The following NFATC3 variants were observed in gnomAD, a reference collection of about 807,000 sequenced individuals.
NFATC3 encodes the protein nuclear factor of activated T cells 3, also known as nuclear factor of activated T-cells, cytoplasmic 3.
NFATC3 carries 46 observed loss-of-function variants against 98.6 expected under a neutral mutation model. The observed-to-expected ratio is 0.47, with a 90% CI of 0.37 to 0.60. The LOEUF is 0.60. Ranked by LOEUF, NFATC3 falls within the 20% of genes least tolerant of loss-of-function variation. The pLI is 0.00. For synonymous variants in NFATC3, 512 were observed against 472.2 expected (o/e 1.08, Z -1.09); for missense variants, 1,256 against 1,295.5 (o/e 0.97, Z 0.47).
At chr16:68,129,604 T>G (rs1292588861) in intron 3 of NFATC3, among the ~76,000 whole-genome samples, 1 of 152,068 alleles carries the variant, frequency 6.6e-6, no homozygotes, top group Non-Finnish European at 1.5e-5. Flanking sequence ...GGTCTTGTTA[T>G]GTTGCCCAGG....
chr16:68,167,056 A>G, intron 5 of NFATC3, 41 bp downstream of exon 5: 1 of 1,571,724 alleles, frequency 6.4e-7, no homozygotes. Flanking sequence ...CTTGTGTATA[A>G]TAGCTTATTT....
intron 1 of NFATC3, among the ~76,000 whole-genome samples, chr16:68,095,455 T>G (rs1193402468): frequency 6.7e-6 from 1 of 148,620 alleles, no homozygotes; most frequent in Non-Finnish European, 1.5e-5. Context: ...CAGGTTCAAG[T>G]GATTTTCCTG....
chr16:68,204,354 T>C (rs896071151), intron 9 of NFATC3, among the ~76,000 whole-genome samples: 1 of 152,190 alleles, frequency 6.6e-6, no homozygotes, highest in Non-Finnish European at 1.5e-5. Context: ...AGAGTGATAC[T>C]CTGTCTCAAA....
At chr16:68,163,124 C>T (rs1181674011) in intron 4 of NFATC3, among the ~76,000 whole-genome samples, 2 of 152,140 alleles carry the variant, frequency 1.3e-5, no homozygotes, top group East Asian at 1.9e-4. Context: ...TGAAAAGTCT[C>T]CCATGTCTAC....
chr16:68,104,322 A>G (rs1436000061), intron 1 of NFATC3, among the ~76,000 whole-genome samples: 1 of 152,056 alleles, frequency 6.6e-6, no homozygotes, highest in African/African-American at 2.4e-5. Context: ...TTTCCTTTTC[A>G]GATTGTTTAT....
intron 9 of NFATC3, among the ~76,000 whole-genome samples, chr16:68,208,286 C>G (rs1190593722): frequency 6.6e-6 from 1 of 152,156 alleles, no homozygotes; most frequent in Non-Finnish European, 1.5e-5. Flanking sequence ...AGCCACCCGC[C>G]TTAGCCTCCC....
chr16:68,221,223 T>C (rs1411120622), intron 9 of NFATC3: 3 of 1,614,032 alleles, frequency 1.9e-6, no homozygotes, highest in Non-Finnish European at 2.5e-6. Flanking sequence ...AATTTTGACT[T>C]GCTTCAGTTG....
chr16:68,089,287 T>C, intron 1 of NFATC3: 1 of 985,310 alleles, frequency 1.0e-6, no homozygotes, highest in Non-Finnish European at 1.2e-6. Context: ...AATTAGATGA[T>C]GTGAGATGGA....
intron 3 of NFATC3, among the ~76,000 whole-genome samples, chr16:68,151,043 G>A (rs2038292211): frequency 6.6e-6 from 1 of 152,116 alleles, no homozygotes; most frequent in African/African-American, 2.4e-5. Flanking sequence ...AGCAGTATGA[G>A]AATGGACTAA....
chr16:68,174,380 G>A lies in NFATC3; in HGVS notation c.1781G>A (p.Arg594Gln), dbSNP rs1479435742. 4.7e-6 allele frequency: 7 copies of A among 1,474,562 alleles called. No individual in the cohort carries two copies. Among genetic ancestry groups the A allele is most frequent in the African/African-American group, 1.4e-5 (1 of 69,692 alleles). The allele number at this position is 1,474,562 out of a possible 1,614,324, so 91.3% of individuals were successfully genotyped here. A position where few individuals can be genotyped will look rare whatever the true frequency, so the allele number is the denominator to read the frequency against. The change falls in exon 6 of 10, where the codon CGG becomes CAG. Residue 594 changes from arginine (R) to glutamine (Q), a missense_variant. Physicochemically the swap from Arg to Gln is conservative, Grantham distance 43. This residue lies in a region of NFATC3 where 636 missense variants were observed against 617.3 expected (regional missense o/e 1.03). Coordinates refer to ENST00000346183, the MANE Select transcript of NFATC3 (RefSeq NM_173165.3). Reference protein sequence around the residue: ...IASIPVECSQRSAQELPHIEK... With the variant: ...IASIPVECSQQSAQELPHIEK... The stretch of plus-strand genomic sequence containing the variant: ...TTAAAAAAATTTAAAACAGCCCAGC[G>A]GTCTGCTCAAGAACTTCCTCATATT...
chr16:68,190,226 G>A (rs1205294498), intron 8 of NFATC3, among the ~76,000 whole-genome samples: 1 of 152,182 alleles, frequency 6.6e-6, no homozygotes, highest in African/African-American at 2.4e-5. Flanking sequence ...AGGATCAAGT[G>A]AGATGCATGT....
At chr16:68,089,822 A>T (rs573006529) in intron 1 of NFATC3, among the ~76,000 whole-genome samples, 2 of 152,290 alleles carry the variant, frequency 1.3e-5, no homozygotes, top group Middle Eastern at 3.4e-3. Context: ...TCAGAGTTTC[A>T]TTCTCAGGGT....
intron 3 of NFATC3, among the ~76,000 whole-genome samples, chr16:68,145,183 AC>A (rs1285030238): frequency 2.0e-5 from 3 of 147,104 alleles, no homozygotes; most frequent in Non-Finnish European, 4.5e-5. Context: ...ATTGCACATC[AC>A]CCAGGCTGGA....
chr16:68,208,027 CTTTAT>C (rs756947633), intron 9 of NFATC3, among the ~76,000 whole-genome samples: 3 of 151,862 alleles, frequency 2.0e-5, no homozygotes, highest in Admixed American at 6.6e-5. Context: ...TATCCAAATC[CTTTAT>C]TTTATTTATT....
At chr16:68,207,310 C>CAA (rs112021651) in intron 9 of NFATC3, among the ~76,000 whole-genome samples, 8 of 115,074 alleles carry the variant, frequency 7.0e-5, no homozygotes, top group African/African-American at 1.1e-4. Flanking sequence ...AACTCCATCT[C>CAA]AAAAAAAAAA....
intron 1 of NFATC3, among the ~76,000 whole-genome samples, chr16:68,120,572 GAAAAAA>G (rs1196341717): frequency 2.4e-5 from 2 of 83,654 alleles, no homozygotes; most frequent in African/African-American, 8.5e-5. Flanking sequence ...CTCTGTCTCA[GAAAAAA>G]AAAAAAAAAA....
chr16:68,226,514 A>C lies in NFATC3; in HGVS notation c.*43A>C, dbSNP rs750622111. 4 of 1,455,418 alleles carry C rather than the reference A, an allele frequency of 2.7e-6. No individual in the cohort carries two copies. In the South Asian group the frequency reaches 6.1e-5, roughly 22 times the overall value. The allele number at this position is 1,455,418 out of a possible 1,614,324, so 90.2% of individuals were successfully genotyped here. ...TTGTGTCCACCACCAACTTCTCAGC[A>C]TGTTTCTCTCCTTGGACCTTGGGTT... On this transcript the variant is annotated 3_prime_UTR_variant, in exon 10 of 10. Transcript: ENST00000346183.
At chr16:68,150,497 C>T (rs1476223925) in intron 3 of NFATC3, among the ~76,000 whole-genome samples, 1 of 150,612 alleles carries the variant, frequency 6.6e-6, no homozygotes, top group Admixed American at 6.6e-5. Flanking sequence ...TGGAAGGATC[C>T]TTTGAGCCCA....
At chr16:68,107,879 C>G (rs970886182) in intron 1 of NFATC3, among the ~76,000 whole-genome samples, 1 of 149,098 alleles carries the variant, frequency 6.7e-6, no homozygotes, top group Admixed American at 6.7e-5. Flanking sequence ...TGAGAAATGT[C>G]TGTTCATGTC....
Sources: gnomAD v4.1 joint callset for allele counts (sites outside exome capture counted in the v4.1 genomes callset) on GRCh38, gnomAD v4.1.1 for gene constraint, gnomAD v4.1.1 regional missense constraint, MANE v1.5 for transcripts, NCBI Gene and HGNC (gene_info 2026-07-23, HGNC 2026-07-21) for gene names.